Variants in MICAL3 observed in about 807,000 individuals in gnomAD.
MICAL3 encodes the protein microtubule associated monooxygenase, calponin and LIM domain containing 3.
A neutral mutation model predicts 207.4 loss-of-function variants in MICAL3; 62 were observed. The ratio of observed to expected loss-of-function variants is 0.30; its 90% CI spans 0.24 to 0.37. The LOEUF (loss-of-function observed/expected upper bound fraction) is 0.37. Ranked by LOEUF, MICAL3 falls within the 10% of genes least tolerant of loss-of-function variation. The probability of loss-of-function intolerance (pLI) is 1.00; values close to 1 mark genes in which losing one functional copy is unlikely to be tolerated. For synonymous variants in MICAL3, 1,077 were observed against 1,069.3 expected, an observed-to-expected ratio of 1.01 and a Z score of -0.14; for missense variants, 2,368 against 2,635.6, an observed-to-expected ratio of 0.90 and a Z score of 2.22.
At chr22:17,875,701 A>AAAAC in intron 16 of MICAL3, 1 of 459,022 alleles carries the variant, frequency 2.2e-6, no homozygotes, top group Non-Finnish European at 3.7e-6. Flanking sequence ...AAAAAAAAAA[A>AAAAC]AAGTAGCTCC....
At chr22:17,866,906 C>A (rs1249743309) in intron 17 of MICAL3, among the ~76,000 whole-genome samples, 1 of 152,204 alleles carries the variant, frequency 6.6e-6, no homozygotes, top group Non-Finnish European at 1.5e-5. Context: ...GAGCGACTGA[C>A]GACTTTTGAA....
At chr22:17,856,638 G>A (rs1407236452) in intron 19 of MICAL3, among the ~76,000 whole-genome samples, 4 of 124,952 alleles carry the variant, frequency 3.2e-5, no homozygotes, top group African/African-American at 8.9e-5. Flanking sequence ...TTTTTGAGAC[G>A]GAGTCTCGCT....
intron 19 of MICAL3, among the ~76,000 whole-genome samples, chr22:17,854,502 G>A (rs1477101680): frequency 6.6e-6 from 1 of 152,168 alleles, no homozygotes; most frequent in Non-Finnish European, 1.5e-5. Flanking sequence ...AGTACATGGA[G>A]GACCAACCGA....
At chr22:17,959,634 TG>T (rs1399694658) in intron 1 of MICAL3, among the ~76,000 whole-genome samples, 1 of 152,192 alleles carries the variant, frequency 6.6e-6, no homozygotes, top group Non-Finnish European at 1.5e-5. Context: ...ATATGGAGTA[TG>T]TTCTAAACGC....
At chr22:17,891,242 CAG>C (rs1930372164) in intron 12 of MICAL3, among the ~76,000 whole-genome samples, 1 of 148,250 alleles carries the variant, frequency 6.7e-6, no homozygotes, top group Non-Finnish European at 1.5e-5. Flanking sequence ...TTTTAAAACT[CAG>C]CTATAGGAGC....
chr22:17,962,943 G>T (rs7286219), intron 1 of MICAL3, among the ~76,000 whole-genome samples: 8 of 151,812 alleles, frequency 5.3e-5, no homozygotes, highest in African/African-American at 9.7e-5. Flanking sequence ...TTTAGAGACA[G>T]GGTCTCACTA....
At chr22:17,976,316 G>C (rs912183997) in intron 1 of MICAL3, among the ~76,000 whole-genome samples, 5 of 151,812 alleles carry the variant, frequency 3.3e-5, no homozygotes, top group African/African-American at 1.2e-4. Context: ...AATCTCATTA[G>C]ATAACACGAG....
At chr22:17,802,952 T>C (rs978636903) in intron 29 of MICAL3, among the ~76,000 whole-genome samples, 10 of 152,236 alleles carry the variant, frequency 6.6e-5, no homozygotes, top group African/African-American at 2.4e-4. Context: ...GGGTCAGCCA[T>C]TCCTCTGAAC....
chr22:17,827,526 G>T, intron 22 of MICAL3, 118 bp downstream of exon 22: 2 of 1,091,650 alleles, frequency 1.8e-6, no homozygotes, highest in Non-Finnish European at 2.5e-6. Context: ...GATGCGCCTG[G>T]CTCCCGTGTG....
chr22:18,019,701 T>TA (rs57107933), intron 1 of MICAL3: 57,160 of 159,058 alleles, frequency 0.36, 10,943 homozygotes, highest in Admixed American at 0.45. Context: ...TCTCAAAAAT[T>TA]AAAAAAAAAG....
chr22:17,831,790 T>C, intron 21 of MICAL3, 64 bp downstream of exon 21: 1 of 1,515,552 alleles, frequency 6.6e-7, no homozygotes, highest in Admixed American at 2.1e-5. Context: ...CCTCTTACAC[T>C]CACGCATGAA....
At chr22:17,971,390 G>A (rs1935406457) in intron 1 of MICAL3, among the ~76,000 whole-genome samples, 1 of 152,048 alleles carries the variant, frequency 6.6e-6, no homozygotes, top group Non-Finnish European at 1.5e-5. Flanking sequence ...AGCCTCAGCA[G>A]GAGAATCGCT....
chr22:17,886,966 C>A (rs1458562389), intron 15 of MICAL3, among the ~76,000 whole-genome samples: 1 of 87,142 alleles, frequency 1.1e-5, no homozygotes, highest in Non-Finnish European at 2.1e-5. Flanking sequence ...CCAGCCTGGG[C>A]AATGGAGAAA....
chr22:17,956,910 C>T (rs7292862), intron 1 of MICAL3, among the ~76,000 whole-genome samples: 3,963 of 152,268 alleles, frequency 0.026, 189 homozygotes, highest in African/African-American at 0.091. Flanking sequence ...CTTACAAAAC[C>T]GCATTTCTCA....
intron 19 of MICAL3, among the ~76,000 whole-genome samples, chr22:17,851,015 T>G (rs1264480877): frequency 1.3e-5 from 2 of 152,184 alleles, no homozygotes; most frequent in Admixed American, 1.3e-4. Flanking sequence ...GCTGTGGACA[T>G]GTCTAAAGCA....
chr22:17,914,800 T>C (rs897381892), intron 1 of MICAL3, among the ~76,000 whole-genome samples: 1 of 152,216 alleles, frequency 6.6e-6, no homozygotes, highest in African/African-American at 2.4e-5. Flanking sequence ...ACTAAAACAG[T>C]GCTAACACAG....
At chr22:17,904,445 T>C (rs566873281) in intron 3 of MICAL3, among the ~76,000 whole-genome samples, 187 bp downstream of exon 3, 3 of 152,192 alleles carry the variant, frequency 2.0e-5, no homozygotes, top group Admixed American at 6.5e-5. Flanking sequence ...GAGTCCTAAA[T>C]TATAGAACCA....
At chr22:17,791,409 A>G in intron 29 of MICAL3, 108 bp from the exon 30 acceptor site, 3 of 962,846 alleles carry the variant, frequency 3.1e-6, no homozygotes, top group Middle Eastern at 4.2e-4. Context: ...ATGCTGCCGG[A>G]ACTTCCACTC....
chr22:17,826,728 T>C (rs1253782905), intron 22 of MICAL3, among the ~76,000 whole-genome samples: 1 of 151,968 alleles, frequency 6.6e-6, no homozygotes, highest in Non-Finnish European at 1.5e-5. Flanking sequence ...AAACCCAAGG[T>C]AGGGCCACCG....
Sources: allele counts gnomAD v4.1 joint callset (sites outside exome capture counted in the v4.1 genomes callset), GRCh38; gene constraint gnomAD v4.1.1; transcripts MANE v1.5; gene names NCBI Gene and HGNC (gene_info 2026-07-23, HGNC 2026-07-21).